Variants in TUT4 observed in about 807,000 individuals in gnomAD.
The protein encoded by TUT4 is terminal uridylyl transferase 4.
In TUT4, 36 loss-of-function variants were observed where a neutral mutation model predicts 192.2. That is an observed-to-expected ratio of 0.19 (90% CI 0.14 to 0.25). TUT4 has a LOEUF of 0.25. Ranked by LOEUF, TUT4 falls within the 10% of genes least tolerant of loss-of-function variation. The pLI, the probability that TUT4 is intolerant of heterozygous loss-of-function variation, is 1.00. For synonymous variants in TUT4, 618 were observed against 666.0 expected, an observed-to-expected ratio of 0.93 and a Z score of 1.11; for missense variants, 1,493 against 1,957.2, an observed-to-expected ratio of 0.76 and a Z score of 4.47.
chr1:52,539,379 T>C (rs866118607), intron 1 of TUT4, among the ~76,000 whole-genome samples: 1 of 152,162 alleles, frequency 6.6e-6, no homozygotes, highest in African/African-American at 2.4e-5. Context: ...GACCTACAGA[T>C]TCCCAGATTG....
chr1:52,423,889 T>A lies in TUT4; in HGVS notation c.*46A>T, dbSNP rs1249875798. ...ATACCCTTGAGACAGCAGGATTGGC[T>A]GGTTGCTGTGCATCGGTAGACCAGC... On this transcript the variant is annotated 3_prime_UTR_variant, in exon 30 of 30. Transcript: ENST00000257177. The A allele has an allele frequency of 1.2e-6, 2 of 1,602,260 alleles. No homozygotes were observed. Among genetic ancestry groups the A allele is most frequent in the African/African-American group, 2.7e-5 (2 of 74,624 alleles).
Position 52,525,487 on chromosome 1 carries a change from T to C in TUT4, c.718+76A>G, listed in dbSNP as rs1413372423. 477 of 1,505,326 alleles carry C rather than the reference T, an allele frequency of 3.2e-4. 1 individual carries two copies. The highest frequency in any genetic ancestry group is 3.5e-5 in the Non-Finnish European group (39 of 1,130,242). 93.2% of individuals were successfully genotyped at this position (1,505,326 alleles called of 1,614,324 possible). ...AACAATTATGTATAAACATGACTTT[T>C]TGTAATTAAAATGGTTAAACCGGGG... is the stretch of plus-strand genomic sequence containing the variant. On this transcript the variant is annotated intron_variant, in intron 2 of 29. Transcript: ENST00000257177.
chr1:52,479,997 G>GAAAAAAAAAAAAAAAAA (rs375149209), intron 11 of TUT4, among the ~76,000 whole-genome samples: 1 of 67,204 alleles, frequency 1.5e-5, no homozygotes. Flanking sequence ...TCCGTCTCAG[G>GAAAAAAAAAAAAAAAAA]AAAAAAAAAA....
At chr1:52,540,373 G>A (rs1005912208) in intron 1 of TUT4, among the ~76,000 whole-genome samples, 1 of 151,932 alleles carries the variant, frequency 6.6e-6, no homozygotes, top group Non-Finnish European at 1.5e-5. Flanking sequence ...AAAAATTGCA[G>A]GGTGTGGTGG....
chr1:52,532,333 CT>C (rs59071246), intron 1 of TUT4, among the ~76,000 whole-genome samples: 9,256 of 145,516 alleles, frequency 0.064, 304 homozygotes, highest in South Asian at 0.089. Context: ...TTTGTTTTAG[CT>C]TTTTTTTTTT....
chr1:52,469,891 C>CAA (rs773732659), intron 14 of TUT4, among the ~76,000 whole-genome samples: 99 of 69,114 alleles, frequency 1.4e-3, no homozygotes, highest in African/African-American at 3.6e-3. Context: ...ACTCAGTCTC[C>CAA]AAAAAAAAAA....
intron 4 of TUT4, 53 bp from the exon 5 acceptor site, chr1:52,497,236 T>C (rs1672677246): frequency 2.0e-6 from 3 of 1,484,090 alleles, no homozygotes; most frequent in African/African-American, 2.9e-5. Context: ...TCTATTTTAA[T>C]TGTTCTTATA....
At chr1:52,534,042 G>A (rs138292727) in intron 1 of TUT4, among the ~76,000 whole-genome samples, 18 of 152,214 alleles carry the variant, frequency 1.2e-4, no homozygotes, top group Middle Eastern at 3.4e-3. Flanking sequence ...CTATGTAGAC[G>A]GATACCCGTT....
At chr1:52,530,150 T>A (rs1168457243) in intron 1 of TUT4, among the ~76,000 whole-genome samples, 3 of 151,282 alleles carry the variant, frequency 2.0e-5, no homozygotes, top group Non-Finnish European at 4.4e-5. Context: ...CTACTTTGAG[T>A]AATTTTTCAT....
intron 24 of TUT4, among the ~76,000 whole-genome samples, chr1:52,441,140 A>G (rs1655388948): frequency 6.6e-6 from 1 of 152,200 alleles, no homozygotes; most frequent in South Asian, 2.1e-4. Context: ...AGAGATACCT[A>G]TAGATGCAGG....
chr1:52,446,344 T>G lies in TUT4; in HGVS notation c.3612A>C (p.Glu1204Asp). Residue 1204 changes from glutamate (E) to aspartate (D), a missense_variant, in exon 22 of 30, where the codon GAA becomes GAC. Coordinates refer to ENST00000257177, the MANE Select transcript of TUT4 (RefSeq NM_001009881.3). Reference protein sequence around the residue: ...RFYTEEFDFKEYVISIRQKKL... With the variant: ...RFYTEEFDFKDYVISIRQKKL... ...TTTTCTGCCGAATGCTAATTACATA[T>G]TCCTTGAAATCAAACTCTTCAGTAT... 1 of 1,614,014 alleles carries G rather than the reference T, an allele frequency of 6.2e-7. No homozygotes were observed. Among genetic ancestry groups the G allele is most frequent in the Non-Finnish European group, 8.5e-7 (1 of 1,179,960 alleles).
chr1:52,513,072 G>A lies in TUT4; in HGVS notation c.882+2819C>T, dbSNP rs527507343. On this transcript the variant is annotated intron_variant, in intron 3 of 29. Coordinates refer to ENST00000257177, the MANE Select transcript of TUT4 (RefSeq NM_001009881.3). ...TGGGAGGCAGAGGTTGCAGTGAGCC[G>A]AGACCGCGCCACTGCACTCCAGCCT... Among the ~76,000 whole-genome samples the A allele has an allele frequency of 2.7e-5, 4 of 150,296 alleles. No homozygotes were observed. The East Asian group carries it at 5.9e-4, about 22-fold the overall frequency.
intron 1 of TUT4, among the ~76,000 whole-genome samples, chr1:52,548,370 T>G (rs1373717069): frequency 1.3e-5 from 2 of 152,200 alleles, no homozygotes; most frequent in Non-Finnish European, 2.9e-5. Flanking sequence ...AATTCATACT[T>G]TGCATATTTG....
rs140231649 is a variant in TUT4 at position 52,536,476 on chromosome 1, G to A, written c.-93-10103C>T. ...GAACAAAAGGCATAAAAAACATATG[G>A]AAAAGAAAGAGCTAAATGGCAGAAG... On this transcript the variant is annotated intron_variant, in intron 1 of 29. Coordinates refer to ENST00000257177, the MANE Select transcript of TUT4 (RefSeq NM_001009881.3). Among the ~76,000 whole-genome samples, 5 of 152,264 alleles carry A rather than the reference G, an allele frequency of 3.3e-5. No individual in the cohort carries two copies. In the East Asian group the frequency reaches 9.6e-4, roughly 29 times the overall value.
Position 52,497,175 on chromosome 1 carries a change from T to C in TUT4, c.1008A>G (p.Gln336=). The change falls in exon 5 of 30, where the codon CAA becomes CAG. Residue 336 remains glutamine, a synonymous_variant. Transcript: ENST00000257177. ...KRHKKNILEK[Q]EESELRSLPP... ...GCAGAGAACGAAGCTCACTTTCTTC[T>C]TGTTTTTCCTATTAATGTAATGATT... 1 of 1,599,088 alleles carries C rather than the reference T, an allele frequency of 6.3e-7. No homozygotes were observed. Among genetic ancestry groups the C allele is most frequent in the Non-Finnish European group, 8.5e-7 (1 of 1,176,206 alleles).
chr1:52,502,906 G>A (rs184570614), intron 4 of TUT4, among the ~76,000 whole-genome samples: 73 of 152,178 alleles, frequency 4.8e-4, no homozygotes, highest in African/African-American at 1.4e-3. Context: ...TTACAGGCGT[G>A]AGCCACCAAG....
intron 20 of TUT4, among the ~76,000 whole-genome samples, chr1:52,456,411 C>CAAAAAAAAAAAAAAA (rs1157223640): frequency 8.3e-5 from 1 of 12,000 alleles, no homozygotes; most frequent in Admixed American, 9.3e-4. Context: ...GACTGTGTCT[C>CAAAAAAAAAAAAAAA]AAAAAAAAAA....
chr1:52,490,087 T>C (rs1388746593), intron 8 of TUT4, among the ~76,000 whole-genome samples: 1 of 151,764 alleles, frequency 6.6e-6, no homozygotes, highest in Non-Finnish European at 1.5e-5. Flanking sequence ...ACTCATTCAA[T>C]GTAAGTGAAA....
intron 5 of TUT4, among the ~76,000 whole-genome samples, chr1:52,495,724 G>A (rs1285145608): frequency 6.6e-6 from 1 of 152,056 alleles, no homozygotes; most frequent in Non-Finnish European, 1.5e-5. Context: ...AAGGGAGAGA[G>A]AAACTACTCA....
Sources: gnomAD v4.1 joint callset for allele counts (sites outside exome capture counted in the v4.1 genomes callset) on GRCh38, gnomAD v4.1.1 for gene constraint, MANE v1.5 for transcripts, NCBI Gene and HGNC (gene_info 2026-07-23, HGNC 2026-07-21) for gene names.